The following FXYD4 variants were observed in gnomAD, a reference collection of about 807,000 sequenced individuals.
FXYD4 encodes FXYD domain containing ion transport regulator 4.
Under a neutral mutation model 18.3 loss-of-function variants are expected in FXYD4, and 14 were observed. The ratio of observed to expected loss-of-function variants is 0.77; its 90% CI spans 0.51 to 1.20. FXYD4 has a LOEUF of 1.20. FXYD4 is among the 50% of genes most tolerant of loss of function. FXYD4 has a pLI of 0.00. For missense variants in FXYD4, 99 were observed against 106.1 expected, an observed-to-expected ratio of 0.93 and a Z score of 0.29; for synonymous variants, 40 against 40.5, an observed-to-expected ratio of 0.99 and a Z score of 0.04.
intron 1 of FXYD4, among the ~76,000 whole-genome samples, chr10:43,372,145 G>A (rs1349532186): frequency 6.6e-6 from 1 of 152,076 alleles, no homozygotes; most frequent in Non-Finnish European, 1.5e-5. Context: ...TGAAGGTAGA[G>A]AGACCAGTGA....
intron 5 of FXYD4, 141 bp from the exon 6 acceptor site, chr10:43,375,358 A>G (rs2131948755): frequency 1.5e-6 from 1 of 662,220 alleles, no homozygotes; most frequent in South Asian, 1.7e-5. Flanking sequence ...TTTCCCCACG[A>G]GACGCAGAAT....
chr10:43,376,208 G>A lies in FXYD4; in HGVS notation c.*42G>A, dbSNP rs1170630757. The A allele has an allele frequency of 1.2e-6, 2 of 1,609,668 alleles. No homozygotes were observed. Among genetic ancestry groups the A allele is most frequent in the Non-Finnish European group, 1.7e-6 (2 of 1,177,520 alleles). Reference sequence around the variant, plus strand: ...CAGGGATGGCCTGAAGCCTAACACTGGCCCCCAGCACCTCCTCCCCTGGGA... The same window carrying A: ...CAGGGATGGCCTGAAGCCTAACACTAGCCCCCAGCACCTCCTCCCCTGGGA... On this transcript the variant is annotated 3_prime_UTR_variant, in exon 9 of 9. Transcript: ENST00000476166.
Position 43,373,781 on chromosome 10 carries a change from C to A in FXYD4, c.35C>A (p.Ala12Glu). ...ERVTLALLLL[A>E]GLTALEANDP... The stretch of plus-strand genomic sequence containing the variant: ...GTGACCCTGGCCCTTCTCCTACTGG[C>A]AGGTGAGTCCTCCCAGTCTCCTGGG... The change falls in exon 3 of 9, where the codon GCA (alanine) becomes GAA (glutamate). Residue 12 changes from alanine (A) to glutamate (E), a missense_variant and splice_region_variant. Physicochemically the swap from Ala to Glu is moderately radical, Grantham distance 107. Coordinates refer to ENST00000476166, the MANE Select transcript of FXYD4 (RefSeq NM_173160.3). 1.2e-6 allele frequency: 2 copies of A among 1,604,290 alleles called. No individual in the cohort carries two copies. Among genetic ancestry groups the A allele is most frequent in the Non-Finnish European group, 1.7e-6 (2 of 1,171,164 alleles).
intron 3 of FXYD4, 80 bp from the exon 4 acceptor site, chr10:43,374,390 G>A (rs967711006): frequency 7.8e-6 from 11 of 1,407,646 alleles, no homozygotes; most frequent in African/African-American, 4.2e-5. Flanking sequence ...CACAACCTCC[G>A]GGCTGGGGTC....
chr10:43,375,817 T>C, intron 7 of FXYD4, 83 bp downstream of exon 7: 1 of 1,437,674 alleles, frequency 7.0e-7, no homozygotes, highest in Non-Finnish European at 9.8e-7. Flanking sequence ...GACAGCATCC[T>C]GGCCACTCGC....
intron 3 of FXYD4, among the ~76,000 whole-genome samples, chr10:43,374,120 C>A (rs1837839556): frequency 6.6e-6 from 1 of 152,108 alleles, no homozygotes; most frequent in Non-Finnish European, 1.5e-5. Context: ...ATCACTTGAG[C>A]CTGGGAGGTC....
chr10:43,373,350 T>C (rs565493330), intron 2 of FXYD4, 165 bp from the exon 3 acceptor site: 1 of 190,878 alleles, frequency 5.2e-6, no homozygotes, highest in Admixed American at 5.5e-5. Context: ...CCATTTTTTT[T>C]TTTCTTCTCT....
chr10:43,372,459 A>G (rs1302842214), intron 1 of FXYD4, among the ~76,000 whole-genome samples: 2 of 151,936 alleles, frequency 1.3e-5, no homozygotes, highest in East Asian at 1.9e-4. Context: ...TAATTTTTGT[A>G]TTTTTAGTAT....
chr10:43,376,285 T>C lies in FXYD4; in HGVS notation c.*119T>C, dbSNP rs1837870923. 9.4e-7 allele frequency: 1 copy of C among 1,066,054 alleles called. No homozygotes were observed. Among genetic ancestry groups the C allele is most frequent in the Admixed American group, 1.9e-5 (1 of 52,828 alleles). The allele number at this position is 1,066,054 out of a possible 1,614,324, so 66.0% of individuals were successfully genotyped here. On this transcript the variant is annotated 3_prime_UTR_variant, in exon 9 of 9. Coordinates refer to ENST00000476166, the MANE Select transcript of FXYD4 (RefSeq NM_173160.3). Reference sequence around the variant, plus strand: ...CTCCAAGGGCAGGCTGTTAGGCCCCTTTCTGATCAGGAGGCTTCTTTATGA... The same window carrying C: ...CTCCAAGGGCAGGCTGTTAGGCCCCCTTCTGATCAGGAGGCTTCTTTATGA...
intron 8 of FXYD4, 21 bp from the exon 9 acceptor site, chr10:43,376,126 C>G (rs1453398742): frequency 6.2e-7 from 1 of 1,613,728 alleles, no homozygotes; most frequent in African/African-American, 1.3e-5. Context: ...TGTCTGATGG[C>G]CTGCCCGCCA....
chr10:43,373,297 G>A (rs1837830136), intron 2 of FXYD4, among the ~76,000 whole-genome samples: 1 of 152,066 alleles, frequency 6.6e-6, no homozygotes, highest in Non-Finnish European at 1.5e-5. Flanking sequence ...ACTTAGAATA[G>A]CAGCCACCTG....
chr10:43,374,702 A>G (rs1376895267), intron 5 of FXYD4, 63 bp downstream of exon 5: 1 of 1,333,538 alleles, frequency 7.5e-7, no homozygotes, highest in Middle Eastern at 1.8e-4. Flanking sequence ...TTGCTAGACA[A>G]GTTGGTGAGG....
intron 5 of FXYD4, among the ~76,000 whole-genome samples, chr10:43,375,159 T>TG (rs1376249328): frequency 1.3e-5 from 2 of 151,510 alleles, no homozygotes; most frequent in African/African-American, 4.9e-5. Context: ...CTCGAGTAGC[T>TG]GGGACTACAG....
rs964392585 is a variant in FXYD4, at chr10:43,374,781, CCAA to C, written c.97+146_97+148del. The C allele has an allele frequency of 1.2e-5, 9 of 774,466 alleles. No homozygotes were observed. In the Admixed American group the frequency reaches 1.3e-4, roughly 11 times the overall value. The allele number at this position is 774,466 out of a possible 1,614,324, so 48.0% of individuals were successfully genotyped here. ...ACCTGGTCTCTGTGAGAGCGTCGCT[CCAA>C]CAAGGGGAGGGTGGCCACAGGATGC... On this transcript the variant is annotated intron_variant, in intron 5 of 8. Coordinates refer to ENST00000476166, the MANE Select transcript of FXYD4 (RefSeq NM_173160.3).
chr10:43,375,442 T>C (rs1458316877), intron 5 of FXYD4, 57 bp from the exon 6 acceptor site: 2 of 1,361,666 alleles, frequency 1.5e-6, no homozygotes, highest in Non-Finnish European at 2.1e-6. Flanking sequence ...GAGTGTCTTT[T>C]GAATGAATGA....
chr10:43,376,285 T>G lies in FXYD4; in HGVS notation c.*119T>G. On this transcript the variant is annotated 3_prime_UTR_variant, in exon 9 of 9. Coordinates refer to ENST00000476166, the MANE Select transcript of FXYD4 (RefSeq NM_173160.3). ...CTCCAAGGGCAGGCTGTTAGGCCCC[T>G]TTCTGATCAGGAGGCTTCTTTATGA... The G allele has an allele frequency of 9.4e-7, 1 of 1,066,054 alleles. No individual in the cohort carries two copies. Among genetic ancestry groups the G allele is most frequent in the Non-Finnish European group, 1.4e-6 (1 of 702,370 alleles). 66.0% of individuals were successfully genotyped at this position (1,066,054 alleles called of 1,614,324 possible).
chr10:43,374,728 G>A (rs1837848045), intron 5 of FXYD4, 89 bp downstream of exon 5: 1 of 1,039,316 alleles, frequency 9.6e-7, no homozygotes, highest in African/African-American at 1.6e-5. Context: ...TGTGGACCTA[G>A]TGTAGACAAA....
Position 43,376,245 on chromosome 10 carries a change from CA to C in FXYD4, c.*81del, listed in dbSNP as rs1837870495. On this transcript the variant is annotated 3_prime_UTR_variant, in exon 9 of 9. Transcript: ENST00000476166. ...CTCCTCCCCTGGGAGGCCTTATCCT[CA>C]AGGAAGGACTTCTCTCCAAGGGCAG... 4 of 1,487,912 alleles carry C rather than the reference CA, an allele frequency of 2.7e-6. No homozygotes were observed. The highest frequency in any genetic ancestry group is 3.4e-5 in the Admixed American group (2 of 59,136). The allele number at this position is 1,487,912 out of a possible 1,614,324, so 92.2% of individuals were successfully genotyped here. A position where few individuals can be genotyped will look rare whatever the true frequency, so the allele number is the denominator to read the frequency against.
intron 3 of FXYD4, among the ~76,000 whole-genome samples, chr10:43,374,245 C>T (rs1837841220): frequency 6.6e-6 from 1 of 152,208 alleles, no homozygotes; most frequent in Admixed American, 6.5e-5. Context: ...AGAGACATAA[C>T]AAACCATCCC....
Sources: allele counts gnomAD v4.1 joint callset (sites outside exome capture counted in the v4.1 genomes callset), GRCh38; gene constraint gnomAD v4.1.1; transcripts MANE v1.5; gene names NCBI Gene and HGNC (gene_info 2026-07-23, HGNC 2026-07-21).